Variants in GPR158 observed in about 807,000 individuals in gnomAD.
GPR158 encodes metabotropic glycine receptor.
A neutral mutation model predicts 78.2 loss-of-function variants in GPR158; 30 were observed. That is an observed-to-expected ratio of 0.38 (90% CI 0.29 to 0.52). The LOEUF (loss-of-function observed/expected upper bound fraction) is 0.52. Among genes scored for constraint, GPR158 ranks in the 20% least tolerant of loss-of-function variants. GPR158 has a pLI of 0.83. For missense variants in GPR158, 1,463 were observed against 1,523.5 expected, an observed-to-expected ratio of 0.96 and a Z score of 0.66; for synonymous variants, 581 against 591.1, an observed-to-expected ratio of 0.98 and a Z score of 0.25.
At chr10:25,414,136 A>G (rs1321935477) in intron 4 of GPR158, among the ~76,000 whole-genome samples, 1 of 152,216 alleles carries the variant, frequency 6.6e-6, no homozygotes, top group Non-Finnish European at 1.5e-5. Flanking sequence ...TTGATAATTA[A>G]TGATTGCTCT....
At position 25,598,724 on chromosome 10, in the gene GPR158, C is replaced by A; in HGVS notation, c.3098C>A (p.Ala1033Asp). ...GTTCAAAAGCACGTATCTATTGTGG[C>A]TTCTGAAATGGAGAAAAACCCCACT... ...SKVQKHVSIV[A>D]SEMEKNPTFS... Residue 1033 changes from alanine to aspartate, a missense_variant, in exon 11 of 11, where the codon GCT (alanine) becomes GAT (aspartate). Ala to Asp is a moderately radical substitution (Grantham distance 126). Transcript: ENST00000376351. The A allele has an allele frequency of 6.2e-7, 1 of 1,614,018 alleles. No individual in the cohort carries two copies. The highest frequency in any genetic ancestry group is 8.5e-7 in the Non-Finnish European group (1 of 1,179,990).
At chr10:25,241,489 C>T (rs989370925) in intron 2 of GPR158, among the ~76,000 whole-genome samples, 6 of 149,262 alleles carry the variant, frequency 4.0e-5, no homozygotes, top group Admixed American at 6.7e-5. Context: ...GGTGTGATCT[C>T]GGCTCACTGC....
intron 5 of GPR158, among the ~76,000 whole-genome samples, chr10:25,539,286 C>T (rs1229010473): frequency 1.3e-5 from 2 of 152,098 alleles, no homozygotes; most frequent in Admixed American, 1.3e-4. Flanking sequence ...TAGCAAAAAG[C>T]TATGGGTCTC....
rs1837027528 is a variant in GPR158, at chr10:25,572,772, A to G, written c.1638A>G (p.Ser546=). The change falls in exon 7 of 11, where the codon TCA becomes TCG. Residue 546 remains serine, a synonymous_variant. Coordinates refer to ENST00000376351, the MANE Select transcript of GPR158 (RefSeq NM_020752.3). ...TTTGGTTTCTCATTGGCTGGACTTC[A>G]TCTGTGTGCCAGAATTTGGAGAAAC... The part of the protein sequence containing the change: ...VVFWFLIGWT[S]SVCQNLEKQI... The G allele has an allele frequency of 6.2e-7, 1 of 1,613,466 alleles. No individual in the cohort carries two copies. The highest frequency in any genetic ancestry group is 1.3e-5 in the African/African-American group (1 of 74,896).
chr10:25,253,176 G>T (rs941738981), intron 2 of GPR158, among the ~76,000 whole-genome samples: 1 of 152,146 alleles, frequency 6.6e-6, no homozygotes, highest in Non-Finnish European at 1.5e-5. Flanking sequence ...TTCGGCTCGC[G>T]CACCGTGCGC....
intron 5 of GPR158, among the ~76,000 whole-genome samples, chr10:25,537,309 T>A (rs1255109378): frequency 6.6e-6 from 1 of 152,242 alleles, no homozygotes; most frequent in Non-Finnish European, 1.5e-5. Context: ...ATATGATACC[T>A]AATAAGATTA....
chr10:25,572,774 C>T lies in GPR158; in HGVS notation c.1640C>T (p.Ser547Phe), dbSNP rs1354527735. ...VFWFLIGWTSSVCQNLEKQIS... is the reference protein window; with the variant it reads ...VFWFLIGWTSFVCQNLEKQIS... ...TGGTTTCTCATTGGCTGGACTTCAT[C>T]TGTGTGCCAGAATTTGGAGAAACAG... The change falls in exon 7 of 11, where the codon TCT becomes TTT. Residue 547 changes from serine to phenylalanine, a missense_variant. Physicochemically the swap from Ser to Phe is radical, Grantham distance 155. Coordinates refer to ENST00000376351, the MANE Select transcript of GPR158 (RefSeq NM_020752.3). The T allele has an allele frequency of 6.2e-7, 1 of 1,613,446 alleles. No homozygotes were observed. Among genetic ancestry groups the T allele is most frequent in the South Asian group, 1.1e-5 (1 of 91,074 alleles).
At chr10:25,263,698 A>T (rs993490311) in intron 2 of GPR158, among the ~76,000 whole-genome samples, 2 of 152,074 alleles carry the variant, frequency 1.3e-5, no homozygotes, top group Non-Finnish European at 2.9e-5. Context: ...GCACTTTGGG[A>T]GGCTGAAGCA....
At chr10:25,572,534 CTCT>C in intron 6 of GPR158, 112 bp from the exon 7 acceptor site, 1 of 762,034 alleles carries the variant, frequency 1.3e-6, no homozygotes, top group East Asian at 2.4e-5. Flanking sequence ...ACAAAGCAAA[CTCT>C]GATTAGCTGG....
intron 5 of GPR158, among the ~76,000 whole-genome samples, chr10:25,489,207 A>C (rs1270132662): frequency 6.6e-6 from 1 of 152,160 alleles, no homozygotes; most frequent in African/African-American, 2.4e-5. Context: ...GCCTATCTAT[A>C]AATTAGAGAC....
chr10:25,588,572 GTTAGAAC>G (rs1837300916), intron 7 of GPR158, among the ~76,000 whole-genome samples: 1 of 152,220 alleles, frequency 6.6e-6, no homozygotes, highest in South Asian at 2.1e-4. Context: ...GCTTAGTGCA[GTTAGAAC>G]TTAAATTTCT....
chr10:25,370,817 G>T (rs1211383025), intron 2 of GPR158, among the ~76,000 whole-genome samples: 1 of 151,314 alleles, frequency 6.6e-6, no homozygotes, highest in African/African-American at 2.4e-5. Flanking sequence ...CTCTTTGTAG[G>T]TCACTCAGGA....
intron 4 of GPR158, among the ~76,000 whole-genome samples, chr10:25,414,809 T>A (rs1200324009): frequency 6.6e-6 from 1 of 152,136 alleles, no homozygotes; most frequent in Non-Finnish European, 1.5e-5. Context: ...ACATAATTTA[T>A]CAATTTACAT....
At chr10:25,581,210 G>A (rs958974048) in intron 7 of GPR158, among the ~76,000 whole-genome samples, 3 of 151,610 alleles carry the variant, frequency 2.0e-5, no homozygotes, top group African/African-American at 7.3e-5. Context: ...TTACAGGCTT[G>A]AGCCACCGCG....
At chr10:25,361,705 C>G (rs1359848088) in intron 2 of GPR158, among the ~76,000 whole-genome samples, 2 of 151,870 alleles carry the variant, frequency 1.3e-5, no homozygotes, top group African/African-American at 4.8e-5. Context: ...AAGCAAGCAT[C>G]TCTTTGGATA....
chr10:25,380,705 G>A (rs948661164), intron 2 of GPR158, among the ~76,000 whole-genome samples: 1 of 152,056 alleles, frequency 6.6e-6, no homozygotes, highest in Non-Finnish European at 1.5e-5. Flanking sequence ...GGAATTAGGA[G>A]TAATAATTAA....
intron 4 of GPR158, among the ~76,000 whole-genome samples, chr10:25,447,636 A>G (rs1295588686): frequency 6.6e-6 from 1 of 152,242 alleles, no homozygotes; most frequent in Non-Finnish European, 1.5e-5. Flanking sequence ...TGGTAGAAAT[A>G]GCAGAAAGTT....
intron 4 of GPR158, among the ~76,000 whole-genome samples, chr10:25,459,975 T>C (rs1409532940): frequency 6.6e-6 from 1 of 152,132 alleles, no homozygotes; most frequent in African/African-American, 2.4e-5. Context: ...GGGAGGTATA[T>C]TGATTAGGGT....
At chr10:25,528,127 C>T (rs77611968) in intron 5 of GPR158, among the ~76,000 whole-genome samples, 6,059 of 151,864 alleles carry the variant, frequency 0.04, 241 homozygotes, top group African/African-American at 0.1. Context: ...TCAATCTTAA[C>T]TCTTTCAGAA....
Sources: allele counts gnomAD v4.1 joint callset (sites outside exome capture counted in the v4.1 genomes callset), GRCh38; gene constraint gnomAD v4.1.1; transcripts MANE v1.5; gene names NCBI Gene and HGNC (gene_info 2026-07-23, HGNC 2026-07-21).